The following EXOC2 variants were observed in gnomAD, a reference collection of about 807,000 sequenced individuals.
The protein encoded by EXOC2 is SEC5-like 1.
A neutral mutation model predicts 131.8 loss-of-function variants in EXOC2; 70 were observed. The observed-to-expected ratio is 0.53, with a 90% CI of 0.44 to 0.65. The LOEUF (loss-of-function observed/expected upper bound fraction) is 0.65. Ranked by LOEUF, EXOC2 falls within the 30% of genes least tolerant of loss-of-function variation. The probability of loss-of-function intolerance (pLI) is 0.00; values close to 1 mark genes in which losing one functional copy is unlikely to be tolerated. For missense variants in EXOC2, 923 were observed against 1,108.6 expected, an observed-to-expected ratio of 0.83 and a Z score of 2.38; for synonymous variants, 411 against 398.4, an observed-to-expected ratio of 1.03 and a Z score of -0.38.
rs531999873 is a variant in EXOC2 at position 525,337 on chromosome 6, T to C, written c.2380+7132A>G. ...TCACAAATTTACCCAAAGTGGAATT[T>C]ATTCCATTTTCAAATGTCTAATAAA... is the stretch of plus-strand genomic sequence containing the variant. On this transcript the variant is annotated intron_variant, in intron 23 of 27. Transcript: ENST00000230449. 3.9e-5 allele frequency: 6 copies of C among 152,366 alleles called. No individual in the cohort carries two copies. In the East Asian group the frequency reaches 1.2e-3, roughly 29 times the overall value. The allele number at this position is 152,366 out of a possible 1,614,324, so 9.4% of individuals were successfully genotyped here.
intron 13 of EXOC2, among the ~76,000 whole-genome samples, chr6:571,334 A>G (rs1758265437): frequency 6.6e-6 from 1 of 152,226 alleles, no homozygotes; most frequent in Admixed American, 6.5e-5. Context: ...GTTTGTGTTC[A>G]TGCATTACAC....
chr6:598,712 G>T, intron 9 of EXOC2, 148 bp downstream of exon 9: 4 of 581,944 alleles, frequency 6.9e-6, no homozygotes, highest in Admixed American at 3.6e-5. Context: ...AAGTCATACT[G>T]TTATTTCTGA....
In EXOC2 at chr6:563,949, TTTTCAAGGATTTG is replaced by T; in HGVS notation, c.1789+71_1789+83del. On this transcript the variant is annotated intron_variant, in intron 16 of 27. Coordinates refer to ENST00000230449, the MANE Select transcript of EXOC2 (RefSeq NM_018303.6). The stretch of plus-strand genomic sequence containing the variant: ...TTTCCAGAAGAGTAATTTTCCCTTG[TTTTCAAGGATTTG>T]GACACTGAAAGGAGGTGGCACATTC... 2.0e-6 allele frequency: 3 copies of T among 1,520,904 alleles called. No homozygotes were observed. In the Admixed American group the frequency reaches 6.7e-5, roughly 34 times the overall value. 94.2% of individuals were successfully genotyped at this position (1,520,904 alleles called of 1,614,324 possible).
intron 23 of EXOC2, among the ~76,000 whole-genome samples, chr6:507,921 A>G (rs1339158173): frequency 6.6e-6 from 1 of 152,212 alleles, no homozygotes; most frequent in Non-Finnish European, 1.5e-5. Context: ...TATTCAGAAA[A>G]CTGAGTAATT....
rs114356108 is a variant in EXOC2, at chr6:516,930, C to T, written c.2380+15539G>A. Among the ~76,000 whole-genome samples the T allele has an allele frequency of 5.2e-3, 790 of 152,266 alleles. 6 individuals are homozygous for T. The highest frequency in any genetic ancestry group is 0.017 in the African/African-American group (722 of 41,544). On this transcript the variant is annotated intron_variant, in intron 23 of 27. Transcript: ENST00000230449. ...CAGCGCCTCACTGACGGAGAGACCA[C>T]GGTAGAGGGAACGCAGGCAGCCTTT...
At chr6:492,416 A>G (rs1763490662) in intron 25 of EXOC2, among the ~76,000 whole-genome samples, 1 of 152,246 alleles carries the variant, frequency 6.6e-6, no homozygotes, top group Non-Finnish European at 1.5e-5. Flanking sequence ...TGCACGCACG[A>G]GACATGAAAA....
In EXOC2 at chr6:547,294, C is replaced by A. The variant is rs187925011; in HGVS notation, c.2238+1881G>T. Among the ~76,000 whole-genome samples the A allele has an allele frequency of 1.8e-3, 268 of 152,330 alleles. 2 individuals are homozygous for A. Among genetic ancestry groups the A allele is most frequent in the South Asian group, 0.011 (51 of 4,820 alleles). ...GAATGAAAAACTGGCCGTTTAATGC[C>A]TTTCCTGGCGTAAGTACCAGTAAGA... On this transcript the variant is annotated intron_variant, in intron 22 of 27. Transcript: ENST00000230449.
chr6:489,681 A>G (rs1222936110), intron 26 of EXOC2, among the ~76,000 whole-genome samples: 1 of 152,240 alleles, frequency 6.6e-6, no homozygotes, highest in Non-Finnish European at 1.5e-5. Context: ...CATAGGGGAG[A>G]CTGTGGTAAT....
At chr6:598,581 T>C (rs1162205620) in intron 9 of EXOC2, among the ~76,000 whole-genome samples, 1 of 152,194 alleles carries the variant, frequency 6.6e-6, no homozygotes, top group Non-Finnish European at 1.5e-5. Context: ...ATACTTGTCA[T>C]TGATTCCTTC....
intron 1 of EXOC2, among the ~76,000 whole-genome samples, chr6:642,601 A>C (rs1762404561): frequency 6.6e-6 from 1 of 152,242 alleles, no homozygotes; most frequent in Non-Finnish European, 1.5e-5. Flanking sequence ...TAAGAACTTA[A>C]AAGAGTCTAT....
chr6:688,836 T>C (rs1229404728), intron 1 of EXOC2, among the ~76,000 whole-genome samples: 1 of 152,228 alleles, frequency 6.6e-6, no homozygotes, highest in Admixed American at 6.5e-5. Flanking sequence ...TCACATGGGG[T>C]TTTCATTAAA....
intron 23 of EXOC2, among the ~76,000 whole-genome samples, chr6:531,401 G>GAAAAGTGTGTGCACAGAAAAGTGTGTT (rs1766074860): frequency 6.6e-6 from 1 of 151,668 alleles, no homozygotes. Flanking sequence ...GAAAGTGTGT[G>GAAAAGTGTGTGCACAGAAAAGTGTGTT]CACAGAAAAG....
intron 7 of EXOC2, among the ~76,000 whole-genome samples, chr6:604,977 TATTATCAA>T (rs1207771944): frequency 6.6e-6 from 1 of 152,084 alleles, no homozygotes; most frequent in Non-Finnish European, 1.5e-5. Flanking sequence ...ACCAGAGCAG[TATTATCAA>T]ACCATCATTT....
At chr6:505,167 A>G (rs36080804) in intron 23 of EXOC2, among the ~76,000 whole-genome samples, 7,075 of 152,242 alleles carry the variant, frequency 0.046, 237 homozygotes, top group Non-Finnish European at 0.071. Flanking sequence ...ACAACATGAA[A>G]TATGGCTGTG....
chr6:686,416 A>G (rs1169200899), intron 1 of EXOC2, among the ~76,000 whole-genome samples: 1 of 152,216 alleles, frequency 6.6e-6, no homozygotes, highest in African/African-American at 2.4e-5. Context: ...TAACTGATAA[A>G]TGACACTTGA....
At chr6:487,155 A>G (rs1763118332) in intron 27 of EXOC2, among the ~76,000 whole-genome samples, 1 of 152,220 alleles carries the variant, frequency 6.6e-6, no homozygotes, top group Non-Finnish European at 1.5e-5. Context: ...GTAACAGGCT[A>G]CAGCACGTGG....
At position 506,591 on chromosome 6, in the gene EXOC2, T is replaced by C. The variant is rs932459816; in HGVS notation, c.2381-6891A>G. ...TTTCTAAGCATTTACAACATGTATC[T>C]CCTCCACTGTCTGAATATGAAATTA... On this transcript the variant is annotated intron_variant, in intron 23 of 27. Transcript: ENST00000230449. This position sits in a 1 kb window ranked among gnomAD's most constrained non-coding sequence, Gnocchi z 4.4. Among the ~76,000 whole-genome samples, 1 of 152,136 alleles carries C rather than the reference T, an allele frequency of 6.6e-6. No individual in the cohort carries two copies. The highest frequency in any genetic ancestry group is 2.4e-5 in the African/African-American group (1 of 41,422).
At chr6:646,318 G>T (rs1333195005) in intron 1 of EXOC2, among the ~76,000 whole-genome samples, 1 of 17,252 alleles carries the variant, frequency 5.8e-5, no homozygotes, top group Non-Finnish European at 1.7e-4. Flanking sequence ...CAAAAACATA[G>T]ACAGACAGAT....
chr6:576,543 C>A (rs1758587790), intron 12 of EXOC2, among the ~76,000 whole-genome samples: 1 of 152,104 alleles, frequency 6.6e-6, no homozygotes, highest in Non-Finnish European at 1.5e-5. Flanking sequence ...GACCTGCACC[C>A]AATGACTTAA....
Sources: gnomAD v4.1 joint callset for allele counts (sites outside exome capture counted in the v4.1 genomes callset) on GRCh38, gnomAD v4.1.1 for gene constraint, Gnocchi (gnomAD v3.1) non-coding constraint, MANE v1.5 for transcripts, NCBI Gene and HGNC (gene_info 2026-07-23, HGNC 2026-07-21) for gene names.